Variants in LYPD6 observed in about 807,000 individuals in gnomAD.
LYPD6 encodes the protein LY6/PLAUR domain containing 6, also known as ly6/PLAUR domain-containing protein 6.
A neutral mutation model predicts 22.7 loss-of-function variants in LYPD6; 15 were observed. That is an observed-to-expected ratio of 0.66 (90% confidence interval 0.44 to 1.02). The LOEUF is 1.02. Ranked by LOEUF, LYPD6 falls within the 50% of genes least tolerant of loss-of-function variation. The pLI is 0.00. For synonymous variants in LYPD6, 72 were observed against 77.5 expected (o/e 0.93, Z 0.37); for missense variants, 189 against 208.4 (o/e 0.91, Z 0.57).
chr2:149,434,605 C>A (rs1683389858), intron 1 of LYPD6, among the ~76,000 whole-genome samples: 1 of 152,054 alleles, frequency 6.6e-6, no homozygotes, highest in Non-Finnish European at 1.5e-5. Flanking sequence ...TCTCTTATGG[C>A]AAAACAAAGG....
At chr2:149,474,207 T>C (rs1681411104), downstream of LYPD6, 1 of 152,194 alleles carries the variant, frequency 6.6e-6, no homozygotes, top group Non-Finnish European at 1.5e-5. Context: ...TTGTTTCGTT[T>C]TTTTGAGACA....
intron 1 of LYPD6, among the ~76,000 whole-genome samples, chr2:149,376,429 A>AG (rs1440284362): frequency 2.0e-5 from 3 of 151,978 alleles, no homozygotes; most frequent in African/African-American, 7.3e-5. Context: ...TCTGCTCAGT[A>AG]GGGGGGTCTT....
intron 1 of LYPD6, among the ~76,000 whole-genome samples, chr2:149,354,602 T>G (rs1049217150): frequency 6.6e-5 from 10 of 152,202 alleles, no homozygotes; most frequent in Admixed American, 2.0e-4. Context: ...AGCAGCTTTC[T>G]ATGGCCCCAT....
chr2:149,358,934 T>C (rs1681517897), intron 1 of LYPD6, among the ~76,000 whole-genome samples: 1 of 152,188 alleles, frequency 6.6e-6, no homozygotes, highest in African/African-American at 2.4e-5. Context: ...GAGTTTTAAG[T>C]GGAGTCCTTA....
chr2:149,348,210 G>A (rs1323323512), intron 1 of LYPD6, among the ~76,000 whole-genome samples: 2 of 151,850 alleles, frequency 1.3e-5, no homozygotes, highest in Non-Finnish European at 2.9e-5. Context: ...TAAATGAAAT[G>A]GATAAAAGTC....
chr2:149,481,912 T>G, the LYPD6 span, among the ~76,000 whole-genome samples: 5 of 152,196 alleles, frequency 3.3e-5, no homozygotes, highest in East Asian at 1.9e-4. Context: ...AGTTTGTGGT[T>G]GTTATTACTT....
chr2:149,363,939 T>G (rs1281720794), intron 1 of LYPD6, among the ~76,000 whole-genome samples: 1 of 152,188 alleles, frequency 6.6e-6, no homozygotes, highest in Non-Finnish European at 1.5e-5. Flanking sequence ...TTGTTGACAC[T>G]AAAAATCTGA....
At chr2:149,395,241 G>C (rs1357211526) in intron 1 of LYPD6, among the ~76,000 whole-genome samples, 1 of 152,114 alleles carries the variant, frequency 6.6e-6, no homozygotes, top group African/African-American at 2.4e-5. Flanking sequence ...GAGTTCATCA[G>C]TCAGTTCTGT....
At chr2:149,429,790 T>TG (rs1683272512) in intron 1 of LYPD6, among the ~76,000 whole-genome samples, 1 of 152,168 alleles carries the variant, frequency 6.6e-6, no homozygotes, top group Non-Finnish European at 1.5e-5. Flanking sequence ...TTGGAGCCCC[T>TG]GGGGGTTGGC....
At chr2:149,424,784 A>G (rs1271219949) in intron 1 of LYPD6, among the ~76,000 whole-genome samples, 2 of 152,192 alleles carry the variant, frequency 1.3e-5, no homozygotes, top group African/African-American at 4.8e-5. Flanking sequence ...GTCAAGGGGC[A>G]AGTGGTAGGC....
chr2:149,408,647 AG>A (rs1682783568), intron 1 of LYPD6, among the ~76,000 whole-genome samples: 1 of 152,124 alleles, frequency 6.6e-6, no homozygotes, highest in Non-Finnish European at 1.5e-5. Context: ...TTAATTTGAA[AG>A]CCTTGTCTTC....
At chr2:149,469,930 T>C (rs1005572706) in intron 4 of LYPD6, among the ~76,000 whole-genome samples, 17 of 152,148 alleles carry the variant, frequency 1.1e-4, no homozygotes, top group African/African-American at 3.9e-4. Context: ...AGAATGTTAT[T>C]AATAACCATC....
chr2:149,423,118 C>T (rs1051515409), intron 1 of LYPD6, among the ~76,000 whole-genome samples: 1 of 152,088 alleles, frequency 6.6e-6, no homozygotes, highest in South Asian at 2.1e-4. Flanking sequence ...TCTGCCCCCA[C>T]AGGGCAAGGA....
chr2:149,335,245 C>T (rs1681013738), intron 1 of LYPD6, among the ~76,000 whole-genome samples: 2 of 151,896 alleles, frequency 1.3e-5, no homozygotes, highest in African/African-American at 2.4e-5. Flanking sequence ...CGTGTTATTG[C>T]CCCTGAAGAC....
chr2:149,481,397 A>G, the LYPD6 span, among the ~76,000 whole-genome samples: 1,689 of 152,360 alleles, frequency 0.011, 35 homozygotes, highest in African/African-American at 0.038. Context: ...CTCTTTCACA[A>G]AGCAATTTGG....
chr2:149,346,796 G>C (rs762617056), intron 1 of LYPD6, among the ~76,000 whole-genome samples: 2 of 152,194 alleles, frequency 1.3e-5, no homozygotes, highest in African/African-American at 4.8e-5. Flanking sequence ...CGCCTCCCGG[G>C]TTCTAGCGGT....
downstream of LYPD6, among the ~76,000 whole-genome samples, chr2:149,478,269 A>G (rs1262291578): frequency 6.6e-6 from 1 of 152,104 alleles, no homozygotes; most frequent in Non-Finnish European, 1.5e-5. Flanking sequence ...GATTTTCACT[A>G]GGGTCCTCAG....
chr2:149,347,433 C>G (rs920111381), intron 1 of LYPD6, among the ~76,000 whole-genome samples: 1 of 152,070 alleles, frequency 6.6e-6, no homozygotes, highest in Admixed American at 6.5e-5. Context: ...CTCTGGCGTT[C>G]CCCCTATTTT....
At chr2:149,424,180 T>C (rs151069199) in intron 1 of LYPD6, among the ~76,000 whole-genome samples, 1 of 152,270 alleles carries the variant, frequency 6.6e-6, no homozygotes, top group Non-Finnish European at 1.5e-5. Flanking sequence ...GTTATTATGA[T>C]TACTTCTATA....
Sources: allele counts gnomAD v4.1 joint callset (sites outside exome capture counted in the v4.1 genomes callset), GRCh38; gene constraint gnomAD v4.1.1; transcripts MANE v1.5; gene names NCBI Gene and HGNC (gene_info 2026-07-23, HGNC 2026-07-21).